SPNS1: variants seen among roughly 807,000 people sequenced by gnomAD.
SPNS1 encodes the protein protein spinster homolog 1.
In SPNS1, 22 loss-of-function variants were observed where a neutral mutation model predicts 50.3. That is an observed-to-expected ratio of 0.44 (90% CI 0.31 to 0.62). The LOEUF (loss-of-function observed/expected upper bound fraction) is 0.62. Among genes scored for constraint, SPNS1 ranks in the 20% least tolerant of loss-of-function variants. The pLI, the probability that SPNS1 is intolerant of heterozygous loss-of-function variation, is 0.07. For synonymous variants in SPNS1, 295 were observed against 317.4 expected (o/e 0.93, Z 0.75); for missense variants, 576 against 728.6 (o/e 0.79, Z 2.41).
rs748012101 is a variant in SPNS1 at position 28,979,140 on chromosome 16, G to A, written c.445-15G>A. On this transcript the variant is annotated splice_polypyrimidine_tract_variant and intron_variant, in intron 3 of 11. Transcript: ENST00000311008. ...GCAGGCTGGGGTGCCACCTCTCCCC[G>A]GTCTCTCTCCCCAGCATTTCTGGCT... 4 of 1,610,314 alleles carry A rather than the reference G, an allele frequency of 2.5e-6. No homozygotes were observed. Among genetic ancestry groups the A allele is most frequent in the African/African-American group, 2.7e-5 (2 of 74,990 alleles).
rs1232361364 is a variant in SPNS1, at chr16:28,974,810, C to T, written c.-342C>T. On this transcript the variant is annotated 5_prime_UTR_variant, in exon 1 of 12. Transcript: ENST00000311008. The stretch of plus-strand genomic sequence containing the variant: ...CGGCTTTAAGCAACATGGCGGCTGC[C>T]GTGGTGCAGCGCCCGGGCTGAGCGA... 2.0e-6 allele frequency: 3 copies of T among 1,535,602 alleles called. No homozygotes were observed. Among genetic ancestry groups the T allele is most frequent in the African/African-American group, 2.7e-5 (2 of 73,042 alleles).
At chr16:28,984,126 T>C in intron 11 of SPNS1, 79 bp from the exon 12 acceptor site, 1 of 1,478,076 alleles carries the variant, frequency 6.8e-7, no homozygotes, top group Non-Finnish European at 9.1e-7. Flanking sequence ...CCCATCCATT[T>C]CCCGCTGCCT....
intron 5 of SPNS1, chr16:28,980,022 C>CA (rs201443284): frequency 0.43 from 50,441 of 117,376 alleles, 9,608 homozygotes; most frequent in Middle Eastern, 0.49. Flanking sequence ...GACTCCTTCT[C>CA]AAAAAAAAAA....
chr16:28,975,403 A>T lies in SPNS1; in HGVS notation c.241+11A>T. 1 of 1,613,558 alleles carries T rather than the reference A, an allele frequency of 6.2e-7. No homozygotes were observed. The highest frequency in any genetic ancestry group is 8.5e-7 in the Non-Finnish European group (1 of 1,179,558). ...GCTTCACCGTGGCTGGTAGGGACTCACTTCTGGGAGGAAGATAGTCTAGGA... is the reference window on the plus strand; with the variant it reads ...GCTTCACCGTGGCTGGTAGGGACTCTCTTCTGGGAGGAAGATAGTCTAGGA... On this transcript the variant is annotated intron_variant, in intron 1 of 11. Transcript: ENST00000311008.
chr16:28,976,435 T>C (rs1965346877), intron 2 of SPNS1, among the ~76,000 whole-genome samples: 1 of 152,106 alleles, frequency 6.6e-6, no homozygotes, highest in Non-Finnish European at 1.5e-5. Context: ...TGAGTACTCA[T>C]TGTGTGCCAG....
chr16:28,979,100 G>A (rs1317854337), intron 3 of SPNS1, 55 bp from the exon 4 acceptor site: 1 of 1,581,176 alleles, frequency 6.3e-7, no homozygotes, highest in Non-Finnish European at 8.6e-7. Context: ...TGGTGAGGTA[G>A]CCCGGAGGCT....
intron 2 of SPNS1, among the ~76,000 whole-genome samples, chr16:28,976,457 G>A (rs1381425086): frequency 1.3e-5 from 2 of 152,162 alleles, no homozygotes; most frequent in Non-Finnish European, 2.9e-5. Context: ...CCTGGAGGAA[G>A]TGATGATTAC....
At chr16:28,984,159 C>T in intron 11 of SPNS1, 46 bp from the exon 12 acceptor site, 1 of 1,520,404 alleles carries the variant, frequency 6.6e-7, no homozygotes, top group Non-Finnish European at 8.9e-7. Flanking sequence ...CTGGCTTTGT[C>T]TGTCTGTCCA....
chr16:28,983,139 T>TCCTGCCC lies in SPNS1; in HGVS notation c.1222-48_1222-42dup. 6 of 1,455,794 alleles carry TCCTGCCC rather than the reference T, an allele frequency of 4.1e-6. No individual in the cohort carries two copies. In the South Asian group the frequency reaches 6.9e-5, roughly 17 times the overall value. 90.2% of individuals were successfully genotyped at this position (1,455,794 alleles called of 1,614,324 possible). A position where few individuals can be genotyped will look rare whatever the true frequency, so the allele number is the denominator to read the frequency against. On this transcript the variant is annotated intron_variant, in intron 9 of 11. Transcript: ENST00000311008. The surrounding 1 kb of genome is among the most constrained non-coding windows in gnomAD (Gnocchi z 5.4). ...CTTGGTGGTCTCCTGGCCCCCTGCC[T>TCCTGCCC]CCTGCCCCCTGGAGCCCAGAGCATC...
Position 28,983,804 on chromosome 16 carries a change from C to A in SPNS1, c.1339C>A (p.Arg447=). 1 of 1,596,850 alleles carries A rather than the reference C, an allele frequency of 6.3e-7. No homozygotes were observed. Residue 447 remains arginine, a synonymous_variant, in exon 11 of 12, where the codon CGG becomes AGG. Transcript: ENST00000311008. This position sits in a 1 kb window ranked among gnomAD's most constrained non-coding sequence, Gnocchi z 5.4. The stretch of plus-strand genomic sequence containing the variant: ...CCTGCAGATCTCTGACCGCCTGCGC[C>A]GGAACTGGCCCCCCTCCTTCTTGTC... ...LIGLISDRLR[R]NWPPSFLSEF... is the part of the protein sequence containing the mutation.
chr16:28,976,391 T>A (rs989199180), intron 2 of SPNS1, among the ~76,000 whole-genome samples: 2 of 152,172 alleles, frequency 1.3e-5, no homozygotes, highest in South Asian at 2.1e-4. Context: ...CCCTTTTTCT[T>A]CCTTCCATCC....
At chr16:28,977,828 GT>G in intron 2 of SPNS1, 79 bp from the exon 3 acceptor site, 1 of 1,559,370 alleles carries the variant, frequency 6.4e-7, no homozygotes, top group South Asian at 1.2e-5. Context: ...GGCATCTCCT[GT>G]GCTTTAGTGG....
chr16:28,982,464 C>G lies in SPNS1; in HGVS notation c.1074C>G (p.Val358=), dbSNP rs751863701. The G allele has an allele frequency of 6.2e-7, 1 of 1,613,924 alleles. No homozygotes were observed. Among genetic ancestry groups the G allele is most frequent in the South Asian group, 1.1e-5 (1 of 91,074 alleles). ...CCAACCCCCGGGCTGATCCCCTGGT[C>G]TGTGCCACTGGCCTCCTGGGCTCTG... ...RHSNPRADPL[V]CATGLLGSAP... Residue 358 remains valine (V), a synonymous_variant, in exon 8 of 12, where the codon GTC becomes GTG. Coordinates refer to ENST00000311008, the MANE Select transcript of SPNS1 (RefSeq NM_032038.3).
rs1440434353 is a variant in SPNS1 at position 28,979,292 on chromosome 16, C to T, written c.582C>T (p.Ala194=). The T allele has an allele frequency of 1.9e-6, 3 of 1,614,216 alleles. No individual in the cohort carries two copies. Among genetic ancestry groups the T allele is most frequent in the Non-Finnish European group, 2.5e-6 (3 of 1,180,030 alleles). ...GGATGCTCAGCATCTTCTACTTTGC[C>T]ATTCCGGTGGGCAGGTGAGTGGGCC... The part of the protein sequence containing the change: ...RSRMLSIFYF[A]IPVGSGLGYI... Residue 194 remains alanine, a synonymous_variant, in exon 4 of 12, where the codon GCC becomes GCT. Coordinates refer to ENST00000311008, the MANE Select transcript of SPNS1 (RefSeq NM_032038.3).
chr16:28,980,449 G>A (rs937800616), intron 5 of SPNS1: 1 of 151,852 alleles, frequency 6.6e-6, no homozygotes, highest in Non-Finnish European at 1.5e-5. Context: ...CCTTTTTTGG[G>A]GCAGCTCTCA....
Position 28,977,952 on chromosome 16 carries a change from C to T in SPNS1, c.352C>T (p.Leu118=), listed in dbSNP as rs1234824010. 6.2e-7 allele frequency: 1 copy of T among 1,613,916 alleles called. No homozygotes were observed. The highest frequency in any genetic ancestry group is 1.7e-5 in the Admixed American group (1 of 60,000). ...GGTGTTGGCACCTGTGTTTGGCTAC[C>T]TGGGTGACAGGTACAATCGGAAGTA... ...YMVLAPVFGY[L]GDRYNRKYLM... is the part of the protein sequence containing the mutation. The change falls in exon 3 of 12, where the codon CTG becomes TTG. Residue 118 remains leucine (L), a synonymous_variant. Coordinates refer to ENST00000311008, the MANE Select transcript of SPNS1 (RefSeq NM_032038.3).
In SPNS1 at chr16:28,979,429, C is replaced by T. The variant is rs1039535408; in HGVS notation, c.621C>T (p.Ser207=). Reference sequence around the variant, plus strand: ...GTGGTCTGGGCTACATTGCAGGCTCCAAAGTGAAGGATATGGCTGGAGACT... The same window carrying T: ...GTGGTCTGGGCTACATTGCAGGCTCTAAAGTGAAGGATATGGCTGGAGACT... ...VGSGLGYIAG[S]KVKDMAGDWH... The change falls in exon 5 of 12, where the codon TCC becomes TCT. Residue 207 remains serine, a synonymous_variant. Coordinates refer to ENST00000311008, the MANE Select transcript of SPNS1 (RefSeq NM_032038.3). 1 of 1,614,132 alleles carries T rather than the reference C, an allele frequency of 6.2e-7. No homozygotes were observed. The highest frequency in any genetic ancestry group is 8.5e-7 in the Non-Finnish European group (1 of 1,180,022).
At position 28,979,091 on chromosome 16, in the gene SPNS1, G is replaced by A. The variant is rs548856145; in HGVS notation, c.445-64G>A. On this transcript the variant is annotated intron_variant, in intron 3 of 11. Transcript: ENST00000311008. ...CCCTGCTGCCTCTTGGGAGCGGGCT[G>A]GTGAGGTAGCCCGGAGGCTGGTTGC... 3 of 1,570,374 alleles carry A rather than the reference G, an allele frequency of 1.9e-6. No individual in the cohort carries two copies. In the African/African-American group the frequency reaches 4.0e-5, roughly 21 times the overall value.
Position 28,981,148 on chromosome 16 carries a change from C to T in SPNS1, c.664-322C>T, listed in dbSNP as rs1013358838. On this transcript the variant is annotated intron_variant, in intron 5 of 11. Transcript: ENST00000311008. This position sits in a 1 kb window ranked among gnomAD's most constrained non-coding sequence, Gnocchi z 4.2. Reference sequence around the variant, plus strand: ...TGCATCACGTGCCCTCTGCGGAATCCGTCACCGAGGCTGGGGTGGTTAACA... The same window carrying T: ...TGCATCACGTGCCCTCTGCGGAATCTGTCACCGAGGCTGGGGTGGTTAACA... Among the ~76,000 whole-genome samples, 2 of 152,158 alleles carry T rather than the reference C, an allele frequency of 1.3e-5. No homozygotes were observed. The highest frequency in any genetic ancestry group is 4.8e-5 in the African/African-American group (2 of 41,424).
Sources: allele counts gnomAD v4.1 joint callset (sites outside exome capture counted in the v4.1 genomes callset), GRCh38; gene constraint gnomAD v4.1.1; non-coding constraint Gnocchi (gnomAD v3.1); transcripts MANE v1.5; gene names NCBI Gene and HGNC (gene_info 2026-07-23, HGNC 2026-07-21).